The following COL4A6 variants were observed in gnomAD, a reference collection of about 807,000 sequenced individuals.
COL4A6 encodes collagen alpha-6(IV) chain.
Under a neutral mutation model 126.7 loss-of-function variants are expected in COL4A6, and 59 were observed. That is an observed-to-expected ratio of 0.47 (90% CI 0.38 to 0.58). COL4A6 has a LOEUF of 0.58. Ranked by LOEUF, COL4A6 falls within the 20% of genes least tolerant of loss-of-function variation. COL4A6 has a pLI of 0.00. For synonymous variants in COL4A6, 547 were observed against 496.6 expected (o/e 1.10, Z -1.35); for missense variants, 1,285 against 1,337.3 (o/e 0.96, Z 0.61).
intron 2 of COL4A6, among the ~76,000 whole-genome samples, chrX:108,378,825 AAC>A (rs1425809305): frequency 8.8e-6 from 1 of 113,301 alleles, no homozygotes; most frequent in African/African-American, 3.2e-5. Context: ...ATTTTATTGG[AAC>A]ACAGTTATAC....
At chrX:108,307,125 G>A (rs1440040637) in intron 3 of COL4A6, among the ~76,000 whole-genome samples, 2 of 110,162 alleles carry the variant, frequency 1.8e-5, no homozygotes, top group African/African-American at 3.3e-5. Flanking sequence ...AAAATACCAG[G>A]GAAGAGAACA....
chrX:108,172,153 C>T (rs193096397), intron 32 of COL4A6, among the ~76,000 whole-genome samples: 1 of 110,371 alleles, frequency 9.1e-6, no homozygotes, highest in African/African-American at 3.3e-5. Context: ...AAGTTTGAGA[C>T]CAGCCAGACC....
At chrX:108,159,942 AAC>A (rs2148050143) in intron 43 of COL4A6, 194 bp from the exon 44 acceptor site, 3 of 514,148 alleles carry the variant, frequency 5.8e-6, no homozygotes. Context: ...ATTTGATAAT[AAC>A]AAGAATCTTT....
chrX:108,384,992 T>C (rs1314658543), intron 2 of COL4A6, among the ~76,000 whole-genome samples: 1 of 111,114 alleles, frequency 9.0e-6, no homozygotes, highest in Non-Finnish European at 1.9e-5. Context: ...TTGTATGCAG[T>C]AGACCGCCTT....
chrX:108,388,186 TTG>T (rs2040745207), intron 2 of COL4A6, among the ~76,000 whole-genome samples: 1 of 111,762 alleles, frequency 8.9e-6, no homozygotes. Context: ...TCTTTTTTTG[TTG>T]TGTCTCCGCC....
At chrX:108,162,473 GA>G (rs2033988911) in intron 41 of COL4A6, among the ~76,000 whole-genome samples, 4 of 111,148 alleles carry the variant, frequency 3.6e-5, no homozygotes, top group Non-Finnish European at 7.6e-5. Flanking sequence ...AGAAGAAGAA[GA>G]AGAGGAAGAA....
chrX:108,192,276 A>G (rs1342674409), intron 18 of COL4A6, among the ~76,000 whole-genome samples, 197 bp downstream of exon 18: 1 of 111,876 alleles, frequency 8.9e-6, no homozygotes, highest in African/African-American at 3.3e-5. Flanking sequence ...GCCAAAAACA[A>G]AAGCTGCTCA....
intron 3 of COL4A6, among the ~76,000 whole-genome samples, chrX:108,236,920 C>T (rs1354692965): frequency 4.5e-5 from 5 of 111,911 alleles, no homozygotes; most frequent in Non-Finnish European, 9.4e-5. Flanking sequence ...CTCTTCAGTC[C>T]TTTGTCCCTT....
chrX:108,367,703 A>AT (rs1266768554), intron 2 of COL4A6, among the ~76,000 whole-genome samples: 1 of 111,909 alleles, frequency 8.9e-6, no homozygotes, highest in East Asian at 2.8e-4. Context: ...CATATAATTG[A>AT]TTTTTTCAAA....
At chrX:108,267,323 T>C (rs2037332914) in intron 3 of COL4A6, among the ~76,000 whole-genome samples, 1 of 112,321 alleles carries the variant, frequency 8.9e-6, no homozygotes, top group African/African-American at 3.2e-5. Flanking sequence ...TTAGCAACCT[T>C]AATTCCATCT....
At chrX:108,401,118 C>A (rs1168667342) in intron 2 of COL4A6, among the ~76,000 whole-genome samples, 2 of 111,170 alleles carry the variant, frequency 1.8e-5, no homozygotes, top group Non-Finnish European at 3.8e-5. Flanking sequence ...TCCAAAAAAG[C>A]TGATTTGAGG....
chrX:108,415,411 A>T (rs189869347), intron 2 of COL4A6, among the ~76,000 whole-genome samples: 64 of 112,273 alleles, frequency 5.7e-4, no homozygotes, highest in Admixed American at 9.4e-4. Context: ...ATGGGCAAGA[A>T]GAACAGGAAA....
At position 108,171,403 on chromosome X, in the gene COL4A6, G is replaced by T. The variant is rs748276052; in HGVS notation, c.3261C>A (p.Gly1087=). 2.7e-5 allele frequency: 33 copies of T among 1,208,278 alleles called. No individual in the cohort carries two copies. Among genetic ancestry groups the T allele is most frequent in the South Asian group, 3.5e-5 (2 of 56,530 alleles). The change falls in exon 33 of 45, where the codon GGC becomes GGA. Residue 1087 remains glycine (G), a synonymous_variant. Coordinates refer to ENST00000334504, the MANE Select transcript of COL4A6 (RefSeq NM_033641.4). ...SGSPGPKGQP[G]ESGFKGTKGR... ...CAACCTTACCTTTAAAACCAGATTCGCCAGGCTGTCCCTTGGGTCCTGGGC... is the reference window on the plus strand; with the variant it reads ...CAACCTTACCTTTAAAACCAGATTCTCCAGGCTGTCCCTTGGGTCCTGGGC...
chrX:108,159,603 C>A lies in COL4A6; in HGVS notation c.4671G>T (p.Gln1557His). Residue 1557 changes from glutamine (Q) to histidine (H), a missense_variant, in exon 44 of 45, where the codon CAG becomes CAT. Gln to His is a conservative substitution (Grantham distance 24). Transcript: ENST00000334504. Reference sequence around the variant, plus strand: ...GGCTGATGTACTGGGGAATCTGGGTCTGGCTGACGGGCATCATGGGGATAG... The same window carrying A: ...GGCTGATGTACTGGGGAATCTGGGTATGGCTGACGGGCATCATGGGGATAG... The part of the protein sequence containing the change: ...TAPIPMMPVS[Q>H]TQIPQYISRC... 8.2e-7 allele frequency: 1 copy of A among 1,212,256 alleles called. No individual in the cohort carries two copies. The highest frequency in any genetic ancestry group is 1.8e-5 in the South Asian group (1 of 56,993).
chrX:108,274,551 G>A (rs57955573), intron 3 of COL4A6, among the ~76,000 whole-genome samples: 12 of 111,856 alleles, frequency 1.1e-4, no homozygotes, highest in South Asian at 7.6e-4. Context: ...ACAGCTAGCC[G>A]TGGAGAATCT....
chrX:108,378,284 C>A, intron 2 of COL4A6, among the ~76,000 whole-genome samples: 1 of 111,187 alleles, frequency 9.0e-6, no homozygotes, highest in Non-Finnish European at 1.9e-5. Context: ...TTGTTTGTTT[C>A]TTTGTTTCAC....
Position 108,165,017 on chromosome X carries a change from G to A in COL4A6, c.3830C>T (p.Pro1277Leu). 1 of 1,208,180 alleles carries A rather than the reference G, an allele frequency of 8.3e-7. No homozygotes were observed. The change falls in exon 39 of 45, where the codon CCC (proline) becomes CTC (leucine). Residue 1277 changes from proline to leucine, a missense_variant. Physicochemically the swap from Pro to Leu is moderately conservative, Grantham distance 98. Coordinates refer to ENST00000334504, the MANE Select transcript of COL4A6 (RefSeq NM_033641.4). The stretch of plus-strand genomic sequence containing the variant: ...CGAGGATGGCCCAGGGGGACCTGGG[G>A]GTCCAGCGGGGCCTGGGCGGCCTAG... ...GERGRPGPAG[P>L]PGPPGPSSNQ...
chrX:108,416,357 C>T (rs1233027138), intron 2 of COL4A6, among the ~76,000 whole-genome samples: 1 of 112,168 alleles, frequency 8.9e-6, no homozygotes, highest in Non-Finnish European at 1.9e-5. Flanking sequence ...CAATTTGTTA[C>T]AGCACTCCTT....
chrX:108,342,055 C>G (rs1432585308), intron 2 of COL4A6, among the ~76,000 whole-genome samples: 7 of 111,845 alleles, frequency 6.3e-5, no homozygotes, highest in Non-Finnish European at 1.3e-4. Flanking sequence ...AAGTTCTTGG[C>G]AAAGCAGCAC....
Sources: allele counts gnomAD v4.1 joint callset (sites outside exome capture counted in the v4.1 genomes callset), GRCh38; gene constraint gnomAD v4.1.1; transcripts MANE v1.5; gene names NCBI Gene and HGNC (gene_info 2026-07-23, HGNC 2026-07-21).